Variants in NDST4 observed in about 807,000 individuals in gnomAD.
The protein encoded by NDST4 is N-heparan sulfate sulfotransferase 4.
Under a neutral mutation model 100.8 loss-of-function variants are expected in NDST4, and 63 were observed. The ratio of observed to expected loss-of-function variants is 0.62; its 90% CI spans 0.51 to 0.77. NDST4 has a LOEUF of 0.77. Among genes scored for constraint, NDST4 ranks in the 30% least tolerant of loss-of-function variants. NDST4 has a pLI of 0.00. For synonymous variants in NDST4, 377 were observed against 361.8 expected, an observed-to-expected ratio of 1.04 and a Z score of -0.48; for missense variants, 943 against 1,018.4, an observed-to-expected ratio of 0.93 and a Z score of 1.01.
chr4:114,839,397 G>T lies in NDST4; in HGVS notation c.2267C>A (p.Thr756Asn), dbSNP rs774392218. Residue 756 changes from threonine to asparagine, a missense_variant, in exon 11 of 14, where the codon ACT becomes AAT. Physicochemically the swap from Thr to Asn is moderately conservative, Grantham distance 65 (BLOSUM62 0). Around this residue, in one of 2 missense-constraint regions of NDST4, gnomAD observed 526 missense variants for 634.1 expected, o/e 0.83. Transcript: ENST00000264363. ...WYAVHIERWL[T>N]YFATSQLLII... ...CATTACCTGAGAAGTAGCAAAGTAA[G>T]TTAGCCATCTTTCTATGTGGACTGC... is the stretch of plus-strand genomic sequence containing the variant. The T allele has an allele frequency of 6.6e-5, 106 of 1,611,532 alleles. No homozygotes were observed. Among genetic ancestry groups the T allele is most frequent in the Non-Finnish European group, 8.7e-5 (103 of 1,178,562 alleles).
chr4:114,904,818 G>A (rs1724916228), intron 6 of NDST4, among the ~76,000 whole-genome samples: 1 of 151,762 alleles, frequency 6.6e-6, no homozygotes, highest in South Asian at 2.1e-4. Flanking sequence ...AATTACTGTA[G>A]GCCACACTTG....
At chr4:115,031,675 CT>C (rs1293961782) in intron 2 of NDST4, among the ~76,000 whole-genome samples, 2 of 152,060 alleles carry the variant, frequency 1.3e-5, no homozygotes, top group Admixed American at 6.6e-5. Flanking sequence ...TAGAAATCAC[CT>C]TTCTCTCCAA....
At chr4:115,000,428 A>G (rs1727261458) in intron 2 of NDST4, among the ~76,000 whole-genome samples, 1 of 152,210 alleles carries the variant, frequency 6.6e-6, no homozygotes, top group Admixed American at 6.6e-5. Flanking sequence ...TAATGATGAT[A>G]AATCACAAAG....
rs35039526 is a variant in NDST4 at position 114,847,660 on chromosome 4, TA to T, written c.1940+554del. Among the ~76,000 whole-genome samples the T allele has an allele frequency of 1.3e-3, 185 of 147,414 alleles. 1 individual carries two copies. Among genetic ancestry groups the T allele is most frequent in the African/African-American group, 4.7e-3 (174 of 36,992 alleles). On this transcript the variant is annotated intron_variant, in intron 9 of 13. Coordinates refer to ENST00000264363, the MANE Select transcript of NDST4 (RefSeq NM_022569.3). ...TAGTTTAGGGGAAATACTGTGATTT[TA>T]TTTTTTTCATAATTTATCATGTGTT...
At chr4:115,105,376 G>A (rs993729043) in intron 1 of NDST4, among the ~76,000 whole-genome samples, 1 of 151,950 alleles carries the variant, frequency 6.6e-6, no homozygotes, top group African/African-American at 2.4e-5. Context: ...CTCAAGAAAT[G>A]TATTATTTTA....
At chr4:114,899,341 C>A (rs1342002937) in intron 6 of NDST4, among the ~76,000 whole-genome samples, 1 of 151,988 alleles carries the variant, frequency 6.6e-6, no homozygotes, top group East Asian at 1.9e-4. Flanking sequence ...CCACGCCAGG[C>A]TAATTTTTTT....
intron 3 of NDST4, among the ~76,000 whole-genome samples, chr4:114,973,534 AT>A (rs757435632): frequency 1.2e-4 from 18 of 150,198 alleles, no homozygotes; most frequent in Non-Finnish European, 1.5e-4. Flanking sequence ...ACTTATTAAA[AT>A]TTTTTTTTTA....
chr4:115,035,290 A>C (rs150774808), intron 2 of NDST4, among the ~76,000 whole-genome samples: 184 of 152,268 alleles, frequency 1.2e-3, no homozygotes, highest in Admixed American at 2.0e-3. Flanking sequence ...ATAGTAATAA[A>C]ACAATAATGC....
intron 1 of NDST4, among the ~76,000 whole-genome samples, chr4:115,091,481 TAGAAAGAAAA>T (rs1729517805): frequency 6.6e-6 from 1 of 152,048 alleles, no homozygotes; most frequent in South Asian, 2.1e-4. Flanking sequence ...AATTGTGAGG[TAGAAAGAAAA>T]AACACAAGAG....
intron 2 of NDST4, among the ~76,000 whole-genome samples, chr4:115,068,659 A>C (rs28521052): frequency 0.25 from 35,694 of 144,228 alleles, 5,895 homozygotes; most frequent in East Asian, 0.46. Flanking sequence ...AAAAAAAAAT[A>C]CAAAAAAATT....
chr4:115,007,489 G>A lies in NDST4; in HGVS notation c.979-30215C>T, dbSNP rs532210615. Among the ~76,000 whole-genome samples the A allele has an allele frequency of 4.6e-5, 7 of 152,226 alleles. No homozygotes were observed. The South Asian group carries it at 1.5e-3, about 32-fold the overall frequency. On this transcript the variant is annotated intron_variant, in intron 2 of 13. Transcript: ENST00000264363. ...CAGACAAAAACTGATGAAACAGAAG[G>A]TAATGATACATGTGGATTAAGAAAG...
At position 114,911,619 on chromosome 4, in the gene NDST4, G is replaced by C. The variant is rs183388219; in HGVS notation, c.1536+23587C>G. Among the ~76,000 whole-genome samples, 139 of 152,124 alleles carry C rather than the reference G, an allele frequency of 9.1e-4. 1 individual carries two copies. The Middle Eastern group carries it at 0.027, about 30-fold the overall frequency. On this transcript the variant is annotated intron_variant, in intron 6 of 13. Transcript: ENST00000264363. ...AACTGAACACTATTGCAGAGAAAGAGGAATGACCAAATATTTCATTTTTCT... is the reference window on the plus strand; with the variant it reads ...AACTGAACACTATTGCAGAGAAAGACGAATGACCAAATATTTCATTTTTCT...
chr4:115,080,667 CAT>C (rs1560593330), intron 1 of NDST4, among the ~76,000 whole-genome samples: 2 of 151,060 alleles, frequency 1.3e-5, no homozygotes, highest in Non-Finnish European at 2.9e-5. Flanking sequence ...TTAAAAGATA[CAT>C]ATATACATAT....
chr4:114,836,730 C>G (rs768390510), intron 11 of NDST4, among the ~76,000 whole-genome samples: 8 of 152,176 alleles, frequency 5.3e-5, no homozygotes, highest in Non-Finnish European at 8.8e-5. Context: ...TGGTTCCATT[C>G]TCCCTGTCAC....
chr4:114,965,920 T>C (rs953802638), intron 4 of NDST4, among the ~76,000 whole-genome samples: 1 of 152,078 alleles, frequency 6.6e-6, no homozygotes, highest in Non-Finnish European at 1.5e-5. Flanking sequence ...CCAGTGTTTC[T>C]AGTTCTCTTT....
chr4:114,829,677 T>G, intron 13 of NDST4, 113 bp downstream of exon 13: 1 of 653,176 alleles, frequency 1.5e-6, no homozygotes, highest in Non-Finnish European at 2.6e-6. Context: ...TATATAAAAT[T>G]ATTAATTGCA....
chr4:114,871,868 C>T (rs982014593), intron 6 of NDST4, among the ~76,000 whole-genome samples: 2 of 151,660 alleles, frequency 1.3e-5, no homozygotes, highest in African/African-American at 4.8e-5. Flanking sequence ...TTTATAACAA[C>T]CCAAATATTA....
chr4:114,839,226 T>C (rs1255946492), intron 11 of NDST4, 152 bp downstream of exon 11: 2 of 585,192 alleles, frequency 3.4e-6, no homozygotes, highest in Admixed American at 6.8e-5. Context: ...TATAAATCAC[T>C]GTCTCTGGCA....
At chr4:115,022,741 G>A (rs1727885902) in intron 2 of NDST4, among the ~76,000 whole-genome samples, 1 of 152,024 alleles carries the variant, frequency 6.6e-6, no homozygotes, top group Non-Finnish European at 1.5e-5. Context: ...TGAATTATGA[G>A]GGCGGGTCTT....
Sources: allele counts gnomAD v4.1 joint callset (sites outside exome capture counted in the v4.1 genomes callset), GRCh38; gene constraint gnomAD v4.1.1; regional missense constraint gnomAD v4.1.1; transcripts MANE v1.5; gene names NCBI Gene and HGNC (gene_info 2026-07-23, HGNC 2026-07-21).